Variants in ARHGEF1 observed in about 807,000 individuals in gnomAD.
ARHGEF1 encodes Rho guanine nucleotide exchange factor 1.
Under a neutral mutation model 119.7 loss-of-function variants are expected in ARHGEF1, and 40 were observed. That is an observed-to-expected ratio of 0.33 (90% CI 0.26 to 0.44). The LOEUF (loss-of-function observed/expected upper bound fraction) is 0.44. ARHGEF1 is among the 20% of genes least tolerant of loss of function. The pLI is 1.00. For synonymous variants in ARHGEF1, 494 were observed against 521.0 expected (o/e 0.95, Z 0.71); for missense variants, 976 against 1,268.3 (o/e 0.77, Z 3.50).
In ARHGEF1 at chr19:41,894,222, C is replaced by T. The variant is rs374531075; in HGVS notation, c.660C>T (p.Asn220=). ...TDEEKSAAVV[N]AIGLYMRHLG... ...TTCCCTACAGTGCTGCCGTGGTCAACGCCATTGGCCTGTACATGCGCCACC... is the reference window on the plus strand; with the variant it reads ...TTCCCTACAGTGCTGCCGTGGTCAATGCCATTGGCCTGTACATGCGCCACC... The change falls in exon 9 of 29, where the codon AAC becomes AAT. Residue 220 remains asparagine, a synonymous_variant. Coordinates refer to ENST00000354532, the MANE Select transcript of ARHGEF1 (RefSeq NM_004706.4). 4.6e-6 allele frequency: 7 copies of T among 1,537,534 alleles called. No individual in the cohort carries two copies. Among genetic ancestry groups the T allele is most frequent in the Non-Finnish European group, 5.3e-6 (6 of 1,139,462 alleles).
chr19:41,902,982 C>T lies in ARHGEF1; in HGVS notation c.1738+84C>T. ...TCTCACTCATTTTCATCAGTGATAC[C>T]ATCACAGCTCACTGCAGCCTCAACC... On this transcript the variant is annotated intron_variant, in intron 18 of 28. Transcript: ENST00000354532. This position sits in a 1 kb window ranked among gnomAD's most constrained non-coding sequence, Gnocchi z 6.5. 2 of 1,129,810 alleles carry T rather than the reference C, an allele frequency of 1.8e-6. No homozygotes were observed. The highest frequency in any genetic ancestry group is 2.5e-6 in the Non-Finnish European group (2 of 809,548). 70.0% of individuals were successfully genotyped at this position (1,129,810 alleles called of 1,614,324 possible).
rs190602308 is a variant in ARHGEF1, at chr19:41,897,742, C to T, written c.1122-700C>T. On this transcript the variant is annotated intron_variant, in intron 13 of 28. Transcript: ENST00000354532. ...GTCTCTCCCTGTCTCTGTCCCTGTC[C>T]TGGTCTCTCCCCGTCTCTGTCCCTG... is the stretch of plus-strand genomic sequence containing the variant. 2.5e-4 allele frequency: 120 copies of T among 486,014 alleles called. No individual in the cohort carries two copies. In the East Asian group the frequency reaches 3.4e-3, roughly 14 times the overall value. The allele number at this position is 486,014 out of a possible 1,614,324, so 30.1% of individuals were successfully genotyped here.
chr19:41,884,960 T>C (rs2074271424), intron 1 of ARHGEF1, among the ~76,000 whole-genome samples: 2 of 152,176 alleles, frequency 1.3e-5, no homozygotes, highest in African/African-American at 4.8e-5. Context: ...TTTTAGGTTC[T>C]TTAAGGCTCC....
downstream of ARHGEF1, chr19:41,908,195 C>T: frequency 8.1e-7 from 1 of 1,231,052 alleles, no homozygotes; most frequent in Non-Finnish European, 1.0e-6. The surrounding 1 kb of genome is among the most constrained non-coding windows in gnomAD (Gnocchi z 6.7). Flanking sequence ...ACCCTGGTCC[C>T]TGCCTCAGCA....
At chr19:41,896,873 C>T in intron 13 of ARHGEF1, 1 of 315,746 alleles carries the variant, frequency 3.2e-6, no homozygotes, top group South Asian at 2.1e-5. Flanking sequence ...ACCCCCTCCT[C>T]TCACCTCCCC....
chr19:41,895,338 T>G lies in ARHGEF1; in HGVS notation c.878-11T>G. 2.5e-6 allele frequency: 4 copies of G among 1,598,612 alleles called. No individual in the cohort carries two copies. The highest frequency in any genetic ancestry group is 3.4e-6 in the Non-Finnish European group (4 of 1,170,140). On this transcript the variant is annotated splice_polypyrimidine_tract_variant and intron_variant, in intron 11 of 28. Transcript: ENST00000354532. ...TCTTATCTCCCTCTTTCTCCCTCAC[T>G]GTCTCCCCAGCCGAGAAGCCAGGTG...
At chr19:41,921,718 C>G (rs560902670), upstream of ARHGEF1, among the ~76,000 whole-genome samples, 1 of 152,030 alleles carries the variant, frequency 6.6e-6, no homozygotes, top group Non-Finnish European at 1.5e-5. This position sits in a 1 kb window ranked among gnomAD's most constrained non-coding sequence, Gnocchi z 4.4. Flanking sequence ...CAGGCGAGCC[C>G]GGCCCTGGAG....
In ARHGEF1 at chr19:41,902,347, G is replaced by C. The variant is rs2074617885; in HGVS notation, c.1488G>C (p.Leu496=). 6.2e-7 allele frequency: 1 copy of C among 1,613,994 alleles called. No homozygotes were observed. The highest frequency in any genetic ancestry group is 8.5e-7 in the Non-Finnish European group (1 of 1,180,042). The change falls in exon 16 of 29, where the codon CTG becomes CTC. Residue 496 remains leucine (L), a synonymous_variant. Transcript: ENST00000354532. This position sits in a 1 kb window ranked among gnomAD's most constrained non-coding sequence, Gnocchi z 6.5. The stretch of plus-strand genomic sequence containing the variant: ...TCATCGAGGAGATCGGAGACGTGCT[G>C]CTGGCCCGGGTGAGATGCCCAGCCC... The part of the protein sequence containing the change: ...GYLIEEIGDV[L]LARFDGAEGS...
At position 41,904,750 on chromosome 19, in the gene ARHGEF1, G is replaced by A. The variant is rs964739152; in HGVS notation, c.2162-199G>A. ...GTTAGGTAAGCCAGGGTACATGCCC[G>A]ATTCCATAAGGAGGTGTGAGAGGTG... On this transcript the variant is annotated intron_variant, in intron 22 of 28. Transcript: ENST00000354532. The surrounding 1 kb of genome is among the most constrained non-coding windows in gnomAD (Gnocchi z 8.4). Among the ~76,000 whole-genome samples the A allele has an allele frequency of 2.0e-5, 3 of 152,114 alleles. No individual in the cohort carries two copies. The highest frequency in any genetic ancestry group is 6.6e-5 in the Admixed American group (1 of 15,264).
chr19:41,903,624 G>C lies in ARHGEF1; in HGVS notation c.1840-83G>C. On this transcript the variant is annotated intron_variant, in intron 19 of 28. Transcript: ENST00000354532. The surrounding 1 kb of genome is among the most constrained non-coding windows in gnomAD (Gnocchi z 4.2). Reference sequence around the variant, plus strand: ...CTTGCCCGCATCAGAAGTTGGTCTTGGCTCTCATCTTACCAATGTGGGTCA... The same window carrying C: ...CTTGCCCGCATCAGAAGTTGGTCTTCGCTCTCATCTTACCAATGTGGGTCA... The C allele has an allele frequency of 6.8e-7, 1 of 1,466,880 alleles. No homozygotes were observed. The highest frequency in any genetic ancestry group is 9.4e-7 in the Non-Finnish European group (1 of 1,062,020). 90.9% of individuals were successfully genotyped at this position (1,466,880 alleles called of 1,614,324 possible).
chr19:41,892,712 C>T lies in ARHGEF1; in HGVS notation c.477C>T (p.Ser159=). Residue 159 remains serine, a synonymous_variant, in exon 7 of 29, where the codon TCC becomes TCT. Transcript: ENST00000354532. The surrounding 1 kb of genome is among the most constrained non-coding windows in gnomAD (Gnocchi z 6.3). ...AVGRQLEDFR[S]KRLMGMTPWE... is the part of the protein sequence containing the mutation. ...GCCGGCAGCTGGAGGACTTCCGTTCCAAGCGGCTCATGGGCATGACGCCCT... is the reference window on the plus strand; with the variant it reads ...GCCGGCAGCTGGAGGACTTCCGTTCTAAGCGGCTCATGGGCATGACGCCCT... 1 of 1,613,362 alleles carries T rather than the reference C, an allele frequency of 6.2e-7. No individual in the cohort carries two copies. Among genetic ancestry groups the T allele is most frequent in the Non-Finnish European group, 8.5e-7 (1 of 1,179,720 alleles).
intron 4 of ARHGEF1, 97 bp from the exon 5 acceptor site, chr19:41,891,928 T>C: frequency 1.9e-6 from 2 of 1,041,544 alleles, no homozygotes; most frequent in Non-Finnish European, 2.8e-6. Flanking sequence ...CCCACAGCCA[T>C]AGGATGGCCA....
Position 41,906,056 on chromosome 19 carries a change from A to G in ARHGEF1, c.2491+31A>G, listed in dbSNP as rs1555850116. The stretch of plus-strand genomic sequence containing the variant: ...CCAGCTCTGCCCCTCCAGGGTGGCC[A>G]CCAGCCCAAACAGTGCCTCTGTTCC... On this transcript the variant is annotated intron_variant, in intron 26 of 28. Coordinates refer to ENST00000354532, the MANE Select transcript of ARHGEF1 (RefSeq NM_004706.4). This position sits in a 1 kb window ranked among gnomAD's most constrained non-coding sequence, Gnocchi z 4.5. 2 of 1,591,994 alleles carry G rather than the reference A, an allele frequency of 1.3e-6. No homozygotes were observed. Among genetic ancestry groups the G allele is most frequent in the East Asian group, 2.2e-5 (1 of 44,764 alleles).
intron 1 of ARHGEF1, among the ~76,000 whole-genome samples, chr19:41,923,723 G>C (rs1568836635): frequency 6.1e-5 from 1 of 16,262 alleles, no homozygotes; most frequent in Non-Finnish European, 1.2e-4. Flanking sequence ...TGCTGGGGGG[G>C]TGTCTGGGGA....
chr19:41,892,201 G>A lies in ARHGEF1; in HGVS notation c.324+78G>A. 6.4e-7 allele frequency: 1 copy of A among 1,564,150 alleles called. No homozygotes were observed. The highest frequency in any genetic ancestry group is 1.1e-5 in the South Asian group (1 of 88,834). On this transcript the variant is annotated intron_variant, in intron 5 of 28. Coordinates refer to ENST00000354532, the MANE Select transcript of ARHGEF1 (RefSeq NM_004706.4). The surrounding 1 kb of genome is among the most constrained non-coding windows in gnomAD (Gnocchi z 6.3). ...AGTCACCATGCGGTCCCCAGCCTCTGCCCTGAGGGCAGCTGCTGACCCAGG... is the reference window on the plus strand; with the variant it reads ...AGTCACCATGCGGTCCCCAGCCTCTACCCTGAGGGCAGCTGCTGACCCAGG...
chr19:41,922,342 A>G (rs1433993689), upstream of ARHGEF1, among the ~76,000 whole-genome samples: 1 of 152,192 alleles, frequency 6.6e-6, no homozygotes, highest in African/African-American at 2.4e-5. Context: ...CAGGAGATCA[A>G]GGGACAGAAA....
rs879990682 is a variant in ARHGEF1, at chr19:41,906,184, C to G, written c.2491+159C>G. The G allele has an allele frequency of 2.8e-6, 2 of 707,314 alleles. No homozygotes were observed. The highest frequency in any genetic ancestry group is 4.7e-6 in the Non-Finnish European group (2 of 423,664). The allele number at this position is 707,314 out of a possible 1,614,324, so 43.8% of individuals were successfully genotyped here. A position where few individuals can be genotyped will look rare whatever the true frequency, so the allele number is the denominator to read the frequency against. ...CCTGCACCACTGTCCTGGGTGCCCA[C>G]GTCCCTCTTCTGCAGCCACCATCCC... On this transcript the variant is annotated intron_variant, in intron 26 of 28. Coordinates refer to ENST00000354532, the MANE Select transcript of ARHGEF1 (RefSeq NM_004706.4). The surrounding 1 kb of genome is among the most constrained non-coding windows in gnomAD (Gnocchi z 4.5).
At position 41,903,701 on chromosome 19, in the gene ARHGEF1, C is replaced by A. The variant is rs369773720; in HGVS notation, c.1840-6C>A. 6.2e-7 allele frequency: 1 copy of A among 1,612,212 alleles called. No homozygotes were observed. Among genetic ancestry groups the A allele is most frequent in the African/African-American group, 1.3e-5 (1 of 74,890 alleles). On this transcript the variant is annotated splice_region_variant and splice_polypyrimidine_tract_variant and intron_variant, in intron 19 of 28. Transcript: ENST00000354532. The surrounding 1 kb of genome is among the most constrained non-coding windows in gnomAD (Gnocchi z 4.2). Reference sequence around the variant, plus strand: ...TGTCCCCATAATGCTCCCGTCTCTGCCCCAGAGGCTCAAGGACTATCAGCG... The same window carrying A: ...TGTCCCCATAATGCTCCCGTCTCTGACCCAGAGGCTCAAGGACTATCAGCG...
chr19:41,908,585 C>G (rs541109321), downstream of ARHGEF1: 4,207 of 1,231,698 alleles, frequency 3.4e-3, 9 homozygotes, highest in Non-Finnish European at 4.1e-3. This position sits in a 1 kb window ranked among gnomAD's most constrained non-coding sequence, Gnocchi z 6.7. Flanking sequence ...GGAAGGGGCC[C>G]GTGAGGTACG....
Sources: allele counts gnomAD v4.1 joint callset (sites outside exome capture counted in the v4.1 genomes callset), GRCh38; gene constraint gnomAD v4.1.1; non-coding constraint Gnocchi (gnomAD v3.1); transcripts MANE v1.5; gene names NCBI Gene and HGNC (gene_info 2026-07-23, HGNC 2026-07-21).